MAN1B1: variants seen among roughly 807,000 people sequenced by gnomAD.
MAN1B1 encodes the protein mannosidase alpha class 1B member 1.
A neutral mutation model predicts 75.5 loss-of-function variants in MAN1B1; 66 were observed. That is an observed-to-expected ratio of 0.87 (90% CI 0.72 to 1.07). The LOEUF is 1.07. Ranked by LOEUF, MAN1B1 falls within the 50% of genes least tolerant of loss-of-function variation. The probability of loss-of-function intolerance (pLI) is 0.00; values close to 1 mark genes in which losing one functional copy is unlikely to be tolerated. For missense variants in MAN1B1, 973 were observed against 912.5 expected, an observed-to-expected ratio of 1.07 and a Z score of -0.85; for synonymous variants, 453 against 382.8, an observed-to-expected ratio of 1.18 and a Z score of -2.14.
Position 137,099,696 on chromosome 9 carries a change from T to G in MAN1B1, c.731T>G (p.Val244Gly). ...GCCTGTGCTCTCTCCCCCCTACTAG[T>G]GCATCTGAACTATCGCCAGAAGGGC... is the stretch of plus-strand genomic sequence containing the variant. ...LPPARTQGTP[V>G]HLNYRQKGVI... Residue 244 changes from valine (V) to glycine (G), a missense_variant and splice_region_variant, in exon 6 of 13, where the codon GTG (valine) becomes GGG (glycine). Physicochemically the swap from Val to Gly is moderately radical, Grantham distance 109. Transcript: ENST00000371589. 6.2e-7 allele frequency: 1 copy of G among 1,614,160 alleles called. No homozygotes were observed. Among genetic ancestry groups the G allele is most frequent in the Non-Finnish European group, 8.5e-7 (1 of 1,180,016 alleles).
At chr9:137,097,768 T>C in intron 4 of MAN1B1, 60 bp from the exon 5 acceptor site, 1 of 1,316,148 alleles carries the variant, frequency 7.6e-7, no homozygotes, top group Non-Finnish European at 1.1e-6. Flanking sequence ...AGCGTGGGGG[T>C]GGGAAACATG....
At chr9:137,106,857 C>T (rs193215675) in intron 10 of MAN1B1, 48 bp downstream of exon 10, 24 of 1,604,184 alleles carry the variant, frequency 1.5e-5, no homozygotes, top group East Asian at 2.2e-5. Context: ...TTTACCTTGG[C>T]TTCCAAGGTG....
intron 1 of MAN1B1, 88 bp from the exon 2 acceptor site, chr9:137,087,987 A>G: frequency 9.4e-7 from 1 of 1,061,222 alleles, no homozygotes; most frequent in Non-Finnish European, 1.5e-6. Flanking sequence ...TTCCAGAAGA[A>G]TTCCTTATTG....
At position 137,099,266 on chromosome 9, in the gene MAN1B1, G is replaced by A. The variant is rs117419628; in HGVS notation, c.731-430G>A. Among the ~76,000 whole-genome samples the A allele has an allele frequency of 1.1e-3, 168 of 152,398 alleles. No individual in the cohort carries two copies. The East Asian group carries it at 0.03, about 27-fold the overall frequency. ...TTCATCGCGAGGTCTGCACCCGTCCGTGTTTCACATTCTGAGTTGGCACCA... is the reference window on the plus strand; with the variant it reads ...TTCATCGCGAGGTCTGCACCCGTCCATGTTTCACATTCTGAGTTGGCACCA... On this transcript the variant is annotated intron_variant, in intron 5 of 12. Transcript: ENST00000371589.
chr9:137,103,774 T>A (rs1830989735), intron 8 of MAN1B1: 18 of 438,458 alleles, frequency 4.1e-5, no homozygotes, highest in South Asian at 2.8e-4. Context: ...ACATTCACAC[T>A]GTTGCAGGTG....
At chr9:137,103,267 A>G (rs111877141) in intron 8 of MAN1B1, 128,769 of 428,850 alleles carry the variant, frequency 0.3, 20,931 homozygotes, top group Non-Finnish European at 0.36. Context: ...TGTTACACAC[A>G]TGCTGTTGCA....
In MAN1B1 at chr9:137,108,624, G is replaced by A. The variant is rs1274260871; in HGVS notation, c.*33G>A. 2 of 1,601,722 alleles carry A rather than the reference G, an allele frequency of 1.2e-6. No individual in the cohort carries two copies. Among genetic ancestry groups the A allele is most frequent in the South Asian group, 1.1e-5 (1 of 90,834 alleles). The stretch of plus-strand genomic sequence containing the variant: ...GGCTGCTGGTGTGGGGACTTCGGGT[G>A]GGCAGAGGCACCTTGCTGGGTCTGT... On this transcript the variant is annotated 3_prime_UTR_variant, in exon 13 of 13. Coordinates refer to ENST00000371589, the MANE Select transcript of MAN1B1 (RefSeq NM_016219.5).
In MAN1B1 at chr9:137,087,033, C is replaced by T; in HGVS notation, c.34C>T (p.Leu12Phe). ...CTGCGAGGGCAGGAGAAGCGGAGCTCTCGGTTCCTCTCAGTCGGACTTCCT... is the reference window on the plus strand; with the variant it reads ...CTGCGAGGGCAGGAGAAGCGGAGCTTTCGGTTCCTCTCAGTCGGACTTCCT... ...AACEGRRSGA[L>F]GSSQSDFLTP... is the part of the protein sequence containing the mutation. Residue 12 changes from leucine (L) to phenylalanine (F), a missense_variant, in exon 1 of 13, where the codon CTC becomes TTC. Coordinates refer to ENST00000371589, the MANE Select transcript of MAN1B1 (RefSeq NM_016219.5). 6.2e-7 allele frequency: 1 copy of T among 1,602,824 alleles called. No homozygotes were observed. The highest frequency in any genetic ancestry group is 1.1e-5 in the South Asian group (1 of 88,886).
Position 137,087,025 on chromosome 9 carries a change from G to A in MAN1B1, c.26G>A (p.Ser9Asn), listed in dbSNP as rs140568381. The change falls in exon 1 of 13, where the codon AGC becomes AAC. Residue 9 changes from serine to asparagine, a missense_variant. Transcript: ENST00000371589. MAACEGRRSGALGSSQSDF... is the reference protein window; with the variant it reads MAACEGRRNGALGSSQSDF... ...ATGGCTGCCTGCGAGGGCAGGAGAA[G>A]CGGAGCTCTCGGTTCCTCTCAGTCG... 2.5e-6 allele frequency: 4 copies of A among 1,601,700 alleles called. No homozygotes were observed. The highest frequency in any genetic ancestry group is 2.6e-6 in the Non-Finnish European group (3 of 1,175,948).
Position 137,087,224 on chromosome 9 carries a change from G to A in MAN1B1, c.219+6G>A, listed in dbSNP as rs1309785572. On this transcript the variant is annotated splice_donor_region_variant and intron_variant, in intron 1 of 12. Transcript: ENST00000371589. ...GGCGGCGCTCGTGCTGGAGGGTGAG[G>A]GTCGCGCCGGGCTGACTGGGGCCCG... The A allele has an allele frequency of 1.9e-6, 3 of 1,567,090 alleles. No homozygotes were observed. The highest frequency in any genetic ancestry group is 2.3e-5 in the East Asian group (1 of 42,898).
At chr9:137,106,419 C>CTCCCACGGCCCCCACTCCTGCT in intron 9 of MAN1B1, 104 bp downstream of exon 9, 1 of 1,151,000 alleles carries the variant, frequency 8.7e-7, no homozygotes, top group Non-Finnish European at 1.2e-6. Context: ...TGCTGCCCCC[C>CTCCCACGGCCCCCACTCCTGCT]GCCACACTGT....
At chr9:137,104,076 A>G (rs1032660973) in intron 8 of MAN1B1, 9 of 456,786 alleles carry the variant, frequency 2.0e-5, no homozygotes, top group Admixed American at 1.4e-4. Flanking sequence ...TATCACTTCC[A>G]TCTCCAGAGC....
At position 137,108,442 on chromosome 9, in the gene MAN1B1, G is replaced by A. The variant is rs114324502; in HGVS notation, c.1951G>A (p.Glu651Lys). ...CAATGTCCAGGATCCTCAGAAGCCC[G>A]AGCCTAGGGACAAGATGGAGAGCTT... ...INNVQDPQKP[E>K]PRDKMESFFL... is the part of the protein sequence containing the mutation. Residue 651 changes from glutamate (E) to lysine (K), a missense_variant, in exon 13 of 13, where the codon GAG (glutamate) becomes AAG (lysine). Glu to Lys is a moderately conservative substitution (Grantham distance 56). Coordinates refer to ENST00000371589, the MANE Select transcript of MAN1B1 (RefSeq NM_016219.5). 1.6e-5 allele frequency: 26 copies of A among 1,613,932 alleles called. No homozygotes were observed. The African/African-American group carries it at 2.4e-4, about 15-fold the overall frequency.
At chr9:137,099,669 T>G in intron 5 of MAN1B1, 27 bp from the exon 6 acceptor site, 1 of 1,613,356 alleles carries the variant, frequency 6.2e-7, no homozygotes. Flanking sequence ...ACGTCCGCCA[T>G]GGCCTGTGCT....
intron 12 of MAN1B1, chr9:137,107,954 C>T (rs1339192968): frequency 6.3e-6 from 4 of 633,488 alleles, no homozygotes; most frequent in African/African-American, 3.7e-5. Context: ...CAGCATCCCC[C>T]CAGTTTAGGA....
At chr9:137,106,479 A>C in intron 9 of MAN1B1, 164 bp downstream of exon 9, 1 of 945,230 alleles carries the variant, frequency 1.1e-6, no homozygotes, top group Non-Finnish European at 1.6e-6. Context: ...ATTTATGTGG[A>C]GGGCGTATTC....
chr9:137,091,004 G>A (rs564382066), intron 3 of MAN1B1, among the ~76,000 whole-genome samples: 1 of 152,334 alleles, frequency 6.6e-6, no homozygotes, highest in African/African-American at 2.4e-5. Context: ...GCCGGGCAGA[G>A]GGTGTAGGGT....
chr9:137,101,095 TG>T lies in MAN1B1; in HGVS notation c.1014del (p.Leu339SerfsTer2), dbSNP rs752359237. The T allele has an allele frequency of 2.5e-6, 4 of 1,614,018 alleles. No homozygotes were observed. Among genetic ancestry groups the T allele is most frequent in the South Asian group, 2.2e-5 (2 of 91,068 alleles). ...CTGTTTGAGAGCACGATCCGCATCC[TG>T]GGGGGGCTCCTGAGTGCCTACCACC... The part of the protein sequence containing the change: ...VNLFESTIRI[L>X]GGLLSAYHLS... On this transcript the variant is annotated frameshift_variant, in exon 7 of 13. Transcript: ENST00000371589. LOFTEE classifies it high-confidence loss of function.
In MAN1B1 at chr9:137,107,547, A is replaced by G. The variant is rs149917307; in HGVS notation, c.1781A>G (p.Asn594Ser). The G allele has an allele frequency of 3.7e-6, 6 of 1,612,870 alleles. No homozygotes were observed. The highest frequency in any genetic ancestry group is 5.1e-6 in the Non-Finnish European group (6 of 1,179,972). Residue 594 changes from asparagine to serine, a missense_variant, in exon 12 of 13, where the codon AAC becomes AGC. By Grantham distance (46) the Asn-to-Ser change is conservative. Transcript: ENST00000371589. ...DVEVKPADRHNLLRPETVESL... is the reference protein window; with the variant it reads ...DVEVKPADRHSLLRPETVESL... ...CGCCCACAGCCAGCAGACAGGCACA[A>G]CCTGCTGCGGCCAGAGACCGTGGAG...
Sources: allele counts gnomAD v4.1 joint callset (sites outside exome capture counted in the v4.1 genomes callset), GRCh38; gene constraint gnomAD v4.1.1; transcripts MANE v1.5; gene names NCBI Gene and HGNC (gene_info 2026-07-23, HGNC 2026-07-21).